Variants in LRRC71 observed in about 807,000 individuals in gnomAD.
The protein encoded by LRRC71 is leucine-rich repeat-containing protein 71.
LRRC71 carries 54 observed loss-of-function variants against 66.6 expected under a neutral mutation model. The observed-to-expected ratio is 0.81, with a 90% CI of 0.65 to 1.02. The LOEUF is 1.02. Ranked by LOEUF, LRRC71 falls within the 50% of genes least tolerant of loss-of-function variation. The probability of loss-of-function intolerance (pLI) is 0.00; values close to 1 mark genes in which losing one functional copy is unlikely to be tolerated. For synonymous variants in LRRC71, 323 were observed against 303.9 expected (o/e 1.06, Z -0.65); for missense variants, 724 against 718.0 (o/e 1.01, Z -0.10).
intron 1 of LRRC71, chr1:156,921,591 C>G (rs1170298562): frequency 2.0e-6 from 2 of 979,764 alleles, no homozygotes; most frequent in African/African-American, 3.5e-5. Flanking sequence ...CAGGTACTAT[C>G]TCTTTGTCAG....
Position 156,924,650 on chromosome 1 carries a change from G to A in LRRC71, c.447G>A (p.Lys149=), listed in dbSNP as rs1652920363. The A allele has an allele frequency of 6.4e-7, 1 of 1,551,552 alleles. No homozygotes were observed. The highest frequency in any genetic ancestry group is 8.7e-7 in the Non-Finnish European group (1 of 1,146,938). ...SVKEIYIRGW[K]VEERILGVFS... is the part of the protein sequence containing the mutation. ...CCTCCTCTTGGCCCGCAGGTTGGAAGGTTGAGGAACGGATTCTGGGTGTCT... is the reference window on the plus strand; with the variant it reads ...CCTCCTCTTGGCCCGCAGGTTGGAAAGTTGAGGAACGGATTCTGGGTGTCT... The change falls in exon 4 of 15, where the codon AAG becomes AAA. Residue 149 remains lysine (K), a synonymous_variant. Coordinates refer to ENST00000337428, the MANE Select transcript of LRRC71 (RefSeq NM_144702.3).
Position 156,924,959 on chromosome 1 carries a change from CGA to C in LRRC71, c.538_539del (p.Asp180Ter). On this transcript the variant is annotated frameshift_variant, in exon 5 of 15. Coordinates refer to ENST00000337428, the MANE Select transcript of LRRC71 (RefSeq NM_144702.3). LOFTEE classifies it high-confidence loss of function. Reference protein sequence around the residue: ...AINLWKVGLTDKTLTTFIELL... With the variant: ...AINLWKVGLTXKTLTTFIELL... ...ACAGCTTGTGGAAGGTGGGGCTGAC[CGA>C]TAAGACCCTGACCACCTTCATCGAG... 6.4e-7 allele frequency: 1 copy of C among 1,551,642 alleles called. No individual in the cohort carries two copies. Among genetic ancestry groups the C allele is most frequent in the East Asian group, 2.4e-5 (1 of 40,916 alleles).
the LRRC71 span, chr1:156,938,816 C>T: frequency 2.5e-6 from 1 of 399,148 alleles, no homozygotes; most frequent in Non-Finnish European, 4.5e-6. Flanking sequence ...CAGGGGAGGG[C>T]AGGCCCACTA....
the LRRC71 span, chr1:156,938,740 G>A: frequency 2.0e-6 from 1 of 496,988 alleles, no homozygotes; most frequent in South Asian, 3.2e-5. Context: ...CAGAAACCCA[G>A]GAGACAGGTG....
downstream of LRRC71, chr1:156,937,340 G>A (rs202063053): frequency 2.7e-5 from 44 of 1,613,604 alleles, no homozygotes; most frequent in Admixed American, 4.3e-4. Context: ...AGAGCGGCTG[G>A]GGCGTCTTGG....
chr1:156,929,516 G>C lies in LRRC71; in HGVS notation c.1146+87G>C, dbSNP rs1653948804. On this transcript the variant is annotated intron_variant, in intron 10 of 14. Transcript: ENST00000337428. Reference sequence around the variant, plus strand: ...GTACAGAGGTGGTGGAGGGAAGAAGGCCACATGGGCCTTTGAAGTTCCCCC... The same window carrying C: ...GTACAGAGGTGGTGGAGGGAAGAAGCCCACATGGGCCTTTGAAGTTCCCCC... 5 of 1,577,820 alleles carry C rather than the reference G, an allele frequency of 3.2e-6. No homozygotes were observed. The Admixed American group carries it at 9.0e-5, about 28-fold the overall frequency.
downstream of LRRC71, chr1:156,937,024 G>GA (rs1557809822): frequency 6.2e-7 from 1 of 1,609,094 alleles, no homozygotes; most frequent in Non-Finnish European, 8.5e-7. Context: ...GTCGGCGGGG[G>GA]AATGTCTGCT....
chr1:156,922,744 A>G (rs1652581808), intron 1 of LRRC71, among the ~76,000 whole-genome samples: 1 of 152,176 alleles, frequency 6.6e-6, no homozygotes, highest in African/African-American at 2.4e-5. Flanking sequence ...ATGCAAAATC[A>G]GGGCTCTCAC....
chr1:156,939,700 G>A, the LRRC71 span: 2 of 1,614,078 alleles, frequency 1.2e-6, no homozygotes, highest in Non-Finnish European at 1.7e-6. Flanking sequence ...TTCCTGCTCT[G>A]GCCGTTCCCC....
At chr1:156,926,891 C>G (rs1653289659) in intron 5 of LRRC71, among the ~76,000 whole-genome samples, 1 of 152,130 alleles carries the variant, frequency 6.6e-6, no homozygotes, top group Non-Finnish European at 1.5e-5. Flanking sequence ...TGAGTCACTT[C>G]TAATGTGAAG....
At chr1:156,937,413 G>A (rs1434991404), downstream of LRRC71, 1 of 1,587,104 alleles carries the variant, frequency 6.3e-7, no homozygotes, top group Non-Finnish European at 8.6e-7. Flanking sequence ...AGGCTGTCAG[G>A]CTGAGGGGGG....
chr1:156,932,716 A>G, intron 14 of LRRC71, 137 bp from the exon 15 acceptor site: 2 of 1,540,870 alleles, frequency 1.3e-6, no homozygotes, highest in South Asian at 2.3e-5. Flanking sequence ...CTGGAAAATC[A>G]GCAGTATTAA....
intron 1 of LRRC71, among the ~76,000 whole-genome samples, chr1:156,922,657 C>A (rs1030574731): frequency 6.6e-6 from 1 of 152,190 alleles, no homozygotes; most frequent in African/African-American, 2.4e-5. Flanking sequence ...TACAGGGCAG[C>A]GCTCTTTTAG....
At chr1:156,928,234 C>T (rs1228203250) in intron 9 of LRRC71, among the ~76,000 whole-genome samples, 1 of 152,250 alleles carries the variant, frequency 6.6e-6, no homozygotes, top group Admixed American at 6.5e-5. Flanking sequence ...AGAGATAGGA[C>T]ACTAGATTGA....
In LRRC71 at chr1:156,927,763, C is replaced by T; in HGVS notation, c.853C>T (p.Leu285=). 1 of 1,611,628 alleles carries T rather than the reference C, an allele frequency of 6.2e-7. No homozygotes were observed. Among genetic ancestry groups the T allele is most frequent in the African/African-American group, 1.3e-5 (1 of 75,040 alleles). Residue 285 remains leucine, a synonymous_variant, in exon 8 of 15, where the codon CTG becomes TTG. Transcript: ENST00000337428. Reference sequence around the variant, plus strand: ...CCGGCTGAACCGTTCCCTGCTCTGGCTGTCCCTGGCCCACAACCGCATCCA... The same window carrying T: ...CCGGCTGAACCGTTCCCTGCTCTGGTTGTCCCTGGCCCACAACCGCATCCA... ...GLRLNRSLLW[L]SLAHNRIQDK...
Position 156,931,928 on chromosome 1 carries a change from GCTA to G in LRRC71, c.1345_1347del (p.Thr449del), listed in dbSNP as rs767742810. On this transcript the variant is annotated inframe_deletion, in exon 13 of 15. Transcript: ENST00000337428. ...TCTGCTTTAGCAGCTGGTTGTTGAG[GCTA>G]CTGAGGTGGTCAACCCTCTCCTGGA... is the stretch of plus-strand genomic sequence containing the variant. 3.1e-6 allele frequency: 5 copies of G among 1,587,428 alleles called. No homozygotes were observed. The South Asian group carries it at 5.8e-5, about 18-fold the overall frequency.
At chr1:156,928,363 C>CTCCTCTTCTTCTTCTTCTTCT (rs1440279180) in intron 9 of LRRC71, among the ~76,000 whole-genome samples, 84 of 98,830 alleles carry the variant, frequency 8.5e-4, no homozygotes, top group South Asian at 1.9e-3. Context: ...CTTCTTCTTC[C>CTCCTCTTCTTCTTCTTCTTCT]TCTTCTTCTT....
rs1654594862 is a variant in LRRC71, at chr1:156,932,837, T to C, written c.1564-16T>C. ...TCATTCCTCTTGTCAGATGTCAGCC[T>C]TCCTTTTCTTTTCAGAAAAATTGCT... is the stretch of plus-strand genomic sequence containing the variant. On this transcript the variant is annotated splice_polypyrimidine_tract_variant and intron_variant, in intron 14 of 14. Coordinates refer to ENST00000337428, the MANE Select transcript of LRRC71 (RefSeq NM_144702.3). The C allele has an allele frequency of 6.4e-7, 1 of 1,556,874 alleles. No homozygotes were observed. Among genetic ancestry groups the C allele is most frequent in the Admixed American group, 1.8e-5 (1 of 57,124 alleles).
chr1:156,930,044 C>T (rs78009068), intron 11 of LRRC71, among the ~76,000 whole-genome samples: 59 of 127,956 alleles, frequency 4.6e-4, no homozygotes, highest in South Asian at 2.2e-3. Flanking sequence ...TTCTTTCTTT[C>T]TCTTTCTTTC....
Sources: allele counts gnomAD v4.1 joint callset (sites outside exome capture counted in the v4.1 genomes callset), GRCh38; gene constraint gnomAD v4.1.1; transcripts MANE v1.5; gene names NCBI Gene and HGNC (gene_info 2026-07-23, HGNC 2026-07-21).